The following NDST3 variants were observed in gnomAD, a reference collection of about 807,000 sequenced individuals.
NDST3 encodes N-deacetylase and N-sulfotransferase 3.
NDST3 carries 58 observed loss-of-function variants against 96.1 expected under a neutral mutation model. That is an observed-to-expected ratio of 0.60 (90% confidence interval 0.49 to 0.75). NDST3 has a LOEUF of 0.75. Among genes scored for constraint, NDST3 ranks in the 30% least tolerant of loss-of-function variants. The pLI, the probability that NDST3 is intolerant of heterozygous loss-of-function variation, is 0.00. For missense variants in NDST3, 788 were observed against 1,034.2 expected, an observed-to-expected ratio of 0.76 and a Z score of 3.27; for synonymous variants, 333 against 359.7, an observed-to-expected ratio of 0.93 and a Z score of 0.84.
intron 6 of NDST3, among the ~76,000 whole-genome samples, chr4:118,178,277 C>T (rs942970702): frequency 1.3e-5 from 2 of 151,948 alleles, no homozygotes; most frequent in African/African-American, 4.8e-5. Context: ...ACACAGGTCT[C>T]CAAAACATTT....
At chr4:118,067,805 G>T (rs1726715884) in intron 2 of NDST3, among the ~76,000 whole-genome samples, 1 of 152,014 alleles carries the variant, frequency 6.6e-6, no homozygotes, top group Non-Finnish European at 1.5e-5. Context: ...GCTAATGCAT[G>T]CTGGGCTTAA....
chr4:118,175,580 C>T (rs894387921), intron 6 of NDST3, among the ~76,000 whole-genome samples: 7 of 146,504 alleles, frequency 4.8e-5, no homozygotes, highest in Non-Finnish European at 7.6e-5. Context: ...ATTAAAATGA[C>T]TCTTCTAGTA....
rs569449748 is a variant in NDST3, at chr4:118,105,183, C to A, written c.1069+78C>A. 30 of 989,882 alleles carry A rather than the reference C, an allele frequency of 3.0e-5. No homozygotes were observed. In the East Asian group the frequency reaches 7.1e-4, roughly 23 times the overall value. 61.3% of individuals were successfully genotyped at this position (989,882 alleles called of 1,614,324 possible). A position where few individuals can be genotyped will look rare whatever the true frequency, so the allele number is the denominator to read the frequency against. ...TAAAATTGCACACTTTTCCTGCCCA[C>A]ACTGTCCTACATTCCCTATGTTCCT... On this transcript the variant is annotated intron_variant, in intron 3 of 13. Transcript: ENST00000296499.
intron 6 of NDST3, among the ~76,000 whole-genome samples, chr4:118,191,203 C>A (rs1295196266): frequency 6.6e-6 from 1 of 152,126 alleles, no homozygotes; most frequent in Non-Finnish European, 1.5e-5. Context: ...TTTGCTCAAA[C>A]CAAGGGGAAA....
At chr4:118,159,368 C>T (rs1171148866) in intron 6 of NDST3, among the ~76,000 whole-genome samples, 3 of 152,118 alleles carry the variant, frequency 2.0e-5, no homozygotes, top group African/African-American at 7.2e-5. Context: ...AATTTACACA[C>T]ACAAGTCTAT....
chr4:118,206,851 C>G (rs2125983992), intron 6 of NDST3, among the ~76,000 whole-genome samples: 1 of 143,818 alleles, frequency 7.0e-6, no homozygotes, highest in East Asian at 2.0e-4. Context: ...TACCATTTTC[C>G]TTAGCCATTC....
At position 118,257,202 on chromosome 4, in the gene NDST3, G is replaced by A. The variant is rs572392887; in HGVS notation, c.*1490G>A. The A allele has an allele frequency of 1.3e-5, 2 of 152,128 alleles. No homozygotes were observed. Among genetic ancestry groups the A allele is most frequent in the South Asian group, 4.2e-4 (2 of 4,800 alleles). 9.4% of individuals were successfully genotyped at this position (152,128 alleles called of 1,614,324 possible). On this transcript the variant is annotated 3_prime_UTR_variant, in exon 14 of 14. Transcript: ENST00000296499. ...CACCCAGGCTGGAGTGCAATGGTGT[G>A]ATCTCAGCTCACTGCAACCTCCGCC...
chr4:118,137,360 T>A (rs1733192039), intron 4 of NDST3, among the ~76,000 whole-genome samples: 2 of 152,186 alleles, frequency 1.3e-5, no homozygotes, highest in Admixed American at 1.3e-4. Flanking sequence ...TTTTTTTTTT[T>A]AACTGGAGTC....
intron 2 of NDST3, among the ~76,000 whole-genome samples, chr4:118,057,437 A>G (rs1725518471): frequency 6.6e-6 from 1 of 152,020 alleles, no homozygotes; most frequent in South Asian, 2.1e-4. Flanking sequence ...ACCACATGAA[A>G]GTGTGTGAGC....
chr4:118,185,559 G>A lies in NDST3; in HGVS notation c.1540-38932G>A, dbSNP rs185262656. Among the ~76,000 whole-genome samples the A allele has an allele frequency of 3.0e-3, 457 of 151,874 alleles. 4 individuals carry two copies. The highest frequency in any genetic ancestry group is 0.011 in the African/African-American group (440 of 41,452). On this transcript the variant is annotated intron_variant, in intron 6 of 13. Transcript: ENST00000296499. The stretch of plus-strand genomic sequence containing the variant: ...ACAAATTAAATTTAACAGTTTAATT[G>A]AGCAAAGAACAATTTGCAAATCAGG...
intron 12 of NDST3, among the ~76,000 whole-genome samples, chr4:118,248,502 T>A (rs1741463472): frequency 6.6e-6 from 1 of 152,244 alleles, no homozygotes; most frequent in South Asian, 2.1e-4. Flanking sequence ...CTTGTTTTAC[T>A]CTTTAAATCA....
chr4:118,076,760 T>C (rs1727573788), intron 2 of NDST3, among the ~76,000 whole-genome samples: 1 of 152,216 alleles, frequency 6.6e-6, no homozygotes. Flanking sequence ...TCAATGATCT[T>C]CATTCCTATC....
At position 118,179,741 on chromosome 4, in the gene NDST3, G is replaced by GA. The variant is rs943326917; in HGVS notation, c.1539+36065dup. On this transcript the variant is annotated intron_variant, in intron 6 of 13. Transcript: ENST00000296499. ...AGGGCTAGTTCCTCCCATCTCCCCA[G>GA]AAAAAAAACTCAAGTAAGCCTCAAC... Among the ~76,000 whole-genome samples the GA allele has an allele frequency of 7.3e-5, 11 of 151,410 alleles. No homozygotes were observed. In the South Asian group the frequency reaches 8.3e-4, roughly 11 times the overall value.
At chr4:118,245,352 T>A (rs1741244214) in intron 12 of NDST3, among the ~76,000 whole-genome samples, 1 of 152,090 alleles carries the variant, frequency 6.6e-6, no homozygotes, top group South Asian at 2.1e-4. Flanking sequence ...ATATGAATTT[T>A]TAGTATTAAT....
intron 12 of NDST3, among the ~76,000 whole-genome samples, chr4:118,252,972 T>C (rs1440129873): frequency 6.6e-6 from 1 of 152,122 alleles, no homozygotes; most frequent in Non-Finnish European, 1.5e-5. Flanking sequence ...AAGAAGAAAG[T>C]AGCTCTGAAA....
chr4:118,095,780 C>T (rs374803486), intron 2 of NDST3, among the ~76,000 whole-genome samples: 8 of 151,866 alleles, frequency 5.3e-5, no homozygotes, highest in African/African-American at 1.9e-4. Flanking sequence ...CTATCTATGG[C>T]TGTACATACT....
At chr4:118,148,714 G>C (rs34165051) in intron 6 of NDST3, among the ~76,000 whole-genome samples, 78,032 of 152,032 alleles carry the variant, frequency 0.51, 24,075 homozygotes, top group East Asian at 0.74. Flanking sequence ...AATTTTATAT[G>C]TGTATGTGCT....
At chr4:118,241,180 G>T (rs1165465385) in intron 11 of NDST3, among the ~76,000 whole-genome samples, 1 of 151,604 alleles carries the variant, frequency 6.6e-6, no homozygotes, top group African/African-American at 2.4e-5. Context: ...ATCAGACATG[G>T]TATATACCTG....
At chr4:118,238,181 AAG>A (rs1740788437) in intron 10 of NDST3, among the ~76,000 whole-genome samples, 1 of 147,310 alleles carries the variant, frequency 6.8e-6, no homozygotes, top group South Asian at 2.2e-4. Flanking sequence ...GAAAGAAAGA[AAG>A]AAAGAAAGAA....
Sources: gnomAD v4.1 joint callset for allele counts (sites outside exome capture counted in the v4.1 genomes callset) on GRCh38, gnomAD v4.1.1 for gene constraint, MANE v1.5 for transcripts, NCBI Gene and HGNC (gene_info 2026-07-23, HGNC 2026-07-21) for gene names.